The following USP4 variants were observed in gnomAD, a reference collection of about 807,000 sequenced individuals.
USP4 encodes ubiquitin carboxyl-terminal hydrolase 4.
In USP4, 72 loss-of-function variants were observed where a neutral mutation model predicts 118.2. The observed-to-expected ratio is 0.61, with a 90% CI of 0.50 to 0.74. USP4 has a LOEUF of 0.74. USP4 is among the 30% of genes least tolerant of loss of function. The pLI is 0.00. For missense variants in USP4, 1,037 were observed against 1,185.7 expected (o/e 0.87, Z 1.84); for synonymous variants, 415 against 440.4 (o/e 0.94, Z 0.72).
At chr3:49,313,860 T>C (rs2047410443) in intron 6 of USP4, 1 of 152,106 alleles carries the variant, frequency 6.6e-6, no homozygotes, top group South Asian at 2.1e-4. Flanking sequence ...TTTAAAGTTT[T>C]TAATTTTTAC....
intron 14 of USP4, 117 bp downstream of exon 14, chr3:49,294,290 A>C: frequency 2.5e-6 from 3 of 1,188,226 alleles, no homozygotes; most frequent in Non-Finnish European, 3.5e-6. Context: ...CGGCAAATGC[A>C]TTTCTTACAG....
At chr3:49,317,821 G>A (rs1165963870) in intron 6 of USP4, among the ~76,000 whole-genome samples, 1 of 151,406 alleles carries the variant, frequency 6.6e-6, no homozygotes, top group African/African-American at 2.4e-5. Flanking sequence ...CAAAGTGCTG[G>A]GATTACAGGC....
intron 20 of USP4, among the ~76,000 whole-genome samples, chr3:49,279,786 C>T (rs1351193404): frequency 2.0e-5 from 3 of 152,164 alleles, no homozygotes; most frequent in African/African-American, 7.2e-5. Flanking sequence ...AGAGAAGGTG[C>T]CCAAGGCCAG....
At chr3:49,311,873 C>G in intron 6 of USP4, 1 of 1,218,928 alleles carries the variant, frequency 8.2e-7, no homozygotes, top group Middle Eastern at 3.5e-4. Flanking sequence ...CACCACATAC[C>G]CTTTCAGTGT....
chr3:49,326,982 G>A (rs572536825), intron 3 of USP4, among the ~76,000 whole-genome samples: 1 of 152,290 alleles, frequency 6.6e-6, no homozygotes, highest in Non-Finnish European at 1.5e-5. Context: ...TTACAGATGT[G>A]AGCCACTGCG....
At chr3:49,294,073 G>C (rs1182172994) in intron 14 of USP4, among the ~76,000 whole-genome samples, 2 of 151,492 alleles carry the variant, frequency 1.3e-5, no homozygotes, top group East Asian at 3.9e-4. Flanking sequence ...GCTCCCAGGA[G>C]AATCAAGAAT....
chr3:49,284,871 T>C lies in USP4; in HGVS notation c.2249A>G (p.Tyr750Cys). Residue 750 changes from tyrosine (Y) to cysteine (C), a missense_variant, in exon 17 of 22, where the codon TAC (tyrosine) becomes TGC (cysteine). Physicochemically the swap from Tyr to Cys is radical, Grantham distance 194. Coordinates refer to ENST00000265560, the MANE Select transcript of USP4 (RefSeq NM_003363.4). ...TACCTCAGATTCTTGCTCATCATAG[T>C]AAAGTCTCCGAGTTTCACTGTCCCA... Reference protein sequence around the residue: ...MDWDSETRRLYYDEQESEAYE... With the variant: ...MDWDSETRRLCYDEQESEAYE... The C allele has an allele frequency of 1.2e-6, 2 of 1,613,712 alleles. No homozygotes were observed. The highest frequency in any genetic ancestry group is 1.7e-6 in the Non-Finnish European group (2 of 1,179,838).
At chr3:49,323,050 C>T (rs1382804794) in intron 6 of USP4, among the ~76,000 whole-genome samples, 1 of 151,092 alleles carries the variant, frequency 6.6e-6, no homozygotes, top group Non-Finnish European at 1.5e-5. Context: ...TCCCTGCAAC[C>T]TCCGCCTCCC....
intron 15 of USP4, among the ~76,000 whole-genome samples, chr3:49,290,815 G>A (rs117339807): frequency 2.0e-5 from 3 of 152,000 alleles, no homozygotes; most frequent in East Asian, 3.9e-4. Flanking sequence ...GCACCCGTCT[G>A]CAACTGAGAA....
rs1269841451 is a variant in USP4 at position 49,294,479 on chromosome 3, G to A, written c.1811C>T (p.Pro604Leu). Residue 604 changes from proline (P) to leucine (L), a missense_variant, in exon 14 of 22, where the codon CCA becomes CTA. Pro to Leu is a moderately conservative substitution (Grantham distance 98, BLOSUM62 -3). Transcript: ENST00000265560. ...TSSASALYGQ[P>L]LLLSVPKHKL... Reference sequence around the variant, plus strand: ...GTGCTTGGGGACAGAAAGCAATAGTGGCTGCCCATATAGCGCTGATGCGGA... The same window carrying A: ...GTGCTTGGGGACAGAAAGCAATAGTAGCTGCCCATATAGCGCTGATGCGGA... The A allele has an allele frequency of 6.2e-7, 1 of 1,614,200 alleles. No homozygotes were observed. Among genetic ancestry groups the A allele is most frequent in the East Asian group, 2.2e-5 (1 of 44,880 alleles).
chr3:49,292,621 G>T, intron 14 of USP4, 23 bp from the exon 15 acceptor site: 1 of 1,490,918 alleles, frequency 6.7e-7, no homozygotes, highest in East Asian at 2.4e-5. Context: ...AAAAAGAGAA[G>T]AAAAAAAAGA....
chr3:49,300,603 A>G lies in USP4; in HGVS notation c.1376T>C (p.Leu459Ser), dbSNP rs2047253746. Residue 459 changes from leucine to serine, a missense_variant, in exon 11 of 22, where the codon TTG becomes TCG. Coordinates refer to ENST00000265560, the MANE Select transcript of USP4 (RefSeq NM_003363.4). The stretch of plus-strand genomic sequence containing the variant: ...AACCTTAGCACATTCTGGGCAAACC[A>G]AAGTAGATTTGAAGAGGCCATGGAA... ...DTFHGLFKSTLVCPECAKVSV... is the reference protein window; with the variant it reads ...DTFHGLFKSTSVCPECAKVSV... The G allele has an allele frequency of 3.7e-6, 6 of 1,614,136 alleles. No homozygotes were observed. The highest frequency in any genetic ancestry group is 5.1e-6 in the Non-Finnish European group (6 of 1,180,052).
chr3:49,317,198 A>G, intron 6 of USP4: 1 of 1,490,742 alleles, frequency 6.7e-7, no homozygotes, highest in Non-Finnish European at 9.3e-7. Context: ...ATCTTGAGGT[A>G]GGTGGCCTCC....
At chr3:49,282,824 C>T in intron 19 of USP4, among the ~76,000 whole-genome samples, 1 of 151,748 alleles carries the variant, frequency 6.6e-6, no homozygotes, top group East Asian at 1.9e-4. Context: ...TCTCCTGCCT[C>T]AGCCTCCCTA....
intron 2 of USP4, among the ~76,000 whole-genome samples, chr3:49,329,892 C>A (rs2047594795): frequency 6.6e-6 from 1 of 152,116 alleles, no homozygotes; most frequent in South Asian, 2.1e-4. Context: ...GTAATCCCAG[C>A]ACTTCGGCAG....
chr3:49,310,582 A>G (rs2047372918), intron 8 of USP4, 38 bp downstream of exon 8: 1 of 1,563,788 alleles, frequency 6.4e-7, no homozygotes, highest in African/African-American at 1.4e-5. Context: ...CCAAACCTCA[A>G]GATGCTGTGT....
intron 13 of USP4, among the ~76,000 whole-genome samples, chr3:49,295,016 G>A (rs530042171): frequency 5.1e-4 from 77 of 152,254 alleles, no homozygotes; most frequent in East Asian, 1.2e-3. Flanking sequence ...TTGGCTGGGC[G>A]CGGTGGCTCA....
Position 49,279,539 on chromosome 3 carries a change from C to T in USP4, c.2645-637G>A, listed in dbSNP as rs146155311. ...CAATGATTCAAGCATTTCCCAGAGG[C>T]AATGCTTCTTGTCTTGACTTTACAC... On this transcript the variant is annotated intron_variant, in intron 20 of 21. Transcript: ENST00000265560. Among the ~76,000 whole-genome samples the T allele has an allele frequency of 9.7e-4, 148 of 152,222 alleles. 1 individual carries two copies. The highest frequency in any genetic ancestry group is 1.8e-3 in the Non-Finnish European group (124 of 68,014).
At chr3:49,298,470 A>G in intron 12 of USP4, 82 bp downstream of exon 12, 1 of 1,351,152 alleles carries the variant, frequency 7.4e-7, no homozygotes, top group African/African-American at 1.4e-5. Context: ...AACCCCAAAA[A>G]GTGGCTTCAA....
Sources: allele counts gnomAD v4.1 joint callset (sites outside exome capture counted in the v4.1 genomes callset), GRCh38; gene constraint gnomAD v4.1.1; transcripts MANE v1.5; gene names NCBI Gene and HGNC (gene_info 2026-07-23, HGNC 2026-07-21).